The following KHDRBS2 variants were observed in gnomAD, a reference collection of about 807,000 sequenced individuals.
KHDRBS2 encodes the protein KH RNA binding domain containing, signal transduction associated 2, also known as KH domain-containing, RNA-binding, signal transduction-associated protein 2.
A neutral mutation model predicts 44.3 loss-of-function variants in KHDRBS2; 26 were observed. The ratio of observed to expected loss-of-function variants is 0.59; its 90% CI spans 0.43 to 0.81. KHDRBS2 has a LOEUF of 0.81. KHDRBS2 is among the 40% of genes least tolerant of loss of function. The pLI is 0.00. For synonymous variants in KHDRBS2, 194 were observed against 151.1 expected (o/e 1.28, Z -2.08); for missense variants, 476 against 433.1 (o/e 1.10, Z -0.88).
the KHDRBS2 span, among the ~76,000 whole-genome samples, chr6:61,567,470 CAA>C: frequency 2.0e-5 from 3 of 151,922 alleles, no homozygotes; most frequent in Admixed American, 1.3e-4. Context: ...CCTGTCTCTA[CAA>C]AAAAAGTAAA....
chr6:61,749,007 TTC>T (rs1405730526), intron 6 of KHDRBS2, among the ~76,000 whole-genome samples: 2 of 135,146 alleles, frequency 1.5e-5, no homozygotes, highest in African/African-American at 2.8e-5. Context: ...CTTTCTTTCT[TTC>T]TTTTTTTTTT....
At chr6:62,124,630 C>G (rs1465267378) in intron 2 of KHDRBS2, among the ~76,000 whole-genome samples, 2 of 148,764 alleles carry the variant, frequency 1.3e-5, no homozygotes, top group East Asian at 4.0e-4. Flanking sequence ...CCACCTTTAT[C>G]CAATCATCTG....
chr6:61,645,628 A>G, the KHDRBS2 span, among the ~76,000 whole-genome samples: 1 of 152,084 alleles, frequency 6.6e-6, no homozygotes, highest in Non-Finnish European at 1.5e-5. Context: ...CTTGAATGTT[A>G]TCCCCAAAAG....
intron 4 of KHDRBS2, among the ~76,000 whole-genome samples, chr6:61,913,813 T>G (rs1583478721): frequency 6.6e-6 from 1 of 151,630 alleles, no homozygotes; most frequent in East Asian, 2.0e-4. Context: ...TCTGGTTCAC[T>G]AGTCTTCCAG....
At chr6:62,256,419 G>T (rs763582641) in intron 1 of KHDRBS2, among the ~76,000 whole-genome samples, 1 of 151,922 alleles carries the variant, frequency 6.6e-6, no homozygotes, top group Non-Finnish European at 1.5e-5. Flanking sequence ...TGGGGGGTGA[G>T]TCTTTCCCTT....
At chr6:61,756,518 C>T (rs1192740204) in intron 6 of KHDRBS2, among the ~76,000 whole-genome samples, 1 of 152,148 alleles carries the variant, frequency 6.6e-6, no homozygotes, top group Non-Finnish European at 1.5e-5. Context: ...CCTTGGCCTC[C>T]CAAAGTGCTG....
intron 6 of KHDRBS2, among the ~76,000 whole-genome samples, chr6:61,773,209 T>A (rs977874111): frequency 2.0e-5 from 3 of 152,138 alleles, no homozygotes; most frequent in African/African-American, 7.2e-5. Context: ...CCCTGAGGAA[T>A]CGCCACACTG....
chr6:61,705,124 T>C (rs1769309777), intron 7 of KHDRBS2, among the ~76,000 whole-genome samples: 2 of 151,856 alleles, frequency 1.3e-5, no homozygotes, highest in Non-Finnish European at 2.9e-5. Context: ...CTCAAATGCA[T>C]AGATTATTAA....
At chr6:62,203,914 TG>T (rs1827492397) in intron 1 of KHDRBS2, among the ~76,000 whole-genome samples, 1 of 152,136 alleles carries the variant, frequency 6.6e-6, no homozygotes, top group South Asian at 2.1e-4. Context: ...AAGAATGGCT[TG>T]GTGCCTTCCC....
chr6:62,224,483 A>T lies in KHDRBS2; in HGVS notation c.92-47171T>A, dbSNP rs191835629. Among the ~76,000 whole-genome samples the T allele has an allele frequency of 2.2e-3, 337 of 152,328 alleles. 1 individual carries two copies. Among genetic ancestry groups the T allele is most frequent in the African/African-American group, 7.8e-3 (326 of 41,562 alleles). On this transcript the variant is annotated intron_variant, in intron 1 of 8. Coordinates refer to ENST00000281156, the MANE Select transcript of KHDRBS2 (RefSeq NM_152688.4). ...CACAACTCTTTCATCTGGTATTAAG[A>T]TGAACAAATGGCTAAACTTTCCTAA...
rs1365279512 is a variant in KHDRBS2, at chr6:61,880,562, T to C, written c.810+14073A>G. On this transcript the variant is annotated intron_variant, in intron 6 of 8. Coordinates refer to ENST00000281156, the MANE Select transcript of KHDRBS2 (RefSeq NM_152688.4). ...GTGTGTAATTCTGTTCTGTACCAGA[T>C]ATTTTGCTTAAAACATTTTAATTTA... 5.3e-5 allele frequency among the ~76,000 whole-genome samples: 8 copies of C among 151,944 alleles called. No individual in the cohort carries two copies. The East Asian group carries it at 1.3e-3, about 26-fold the overall frequency.
chr6:61,926,714 T>G (rs1809039643), intron 4 of KHDRBS2, among the ~76,000 whole-genome samples: 1 of 152,116 alleles, frequency 6.6e-6, no homozygotes, highest in East Asian at 1.9e-4. Flanking sequence ...GGGTTAGGTA[T>G]TGAGTCTGTA....
At chr6:62,021,112 AG>A (rs1402080623) in intron 3 of KHDRBS2, among the ~76,000 whole-genome samples, 1 of 152,026 alleles carries the variant, frequency 6.6e-6, no homozygotes, top group Non-Finnish European at 1.5e-5. Flanking sequence ...CATTATCCTT[AG>A]CAAAACGACA....
At chr6:61,805,136 C>T (rs1786944749) in intron 6 of KHDRBS2, among the ~76,000 whole-genome samples, 1 of 152,198 alleles carries the variant, frequency 6.6e-6, no homozygotes, top group African/African-American at 2.4e-5. Context: ...ACCCAGGTCA[C>T]ATCCTGAATG....
At chr6:62,147,885 G>A (rs1260241054) in intron 2 of KHDRBS2, among the ~76,000 whole-genome samples, 3 of 151,850 alleles carry the variant, frequency 2.0e-5, no homozygotes, top group Non-Finnish European at 4.4e-5. Context: ...GCACTAAAAC[G>A]TTTGCATATG....
At chr6:61,843,176 G>A (rs1793850970) in intron 6 of KHDRBS2, among the ~76,000 whole-genome samples, 1 of 151,928 alleles carries the variant, frequency 6.6e-6, no homozygotes, top group South Asian at 2.1e-4. Flanking sequence ...GGGGGCGGTG[G>A]AGGAGGAATG....
intron 3 of KHDRBS2, among the ~76,000 whole-genome samples, chr6:62,035,900 TTAA>T (rs1785192143): frequency 6.6e-6 from 1 of 152,068 alleles, no homozygotes. Flanking sequence ...GGTTTACAAC[TTAA>T]TAATTTATAG....
intron 3 of KHDRBS2, among the ~76,000 whole-genome samples, chr6:62,036,782 A>G (rs1426700350): frequency 6.6e-6 from 1 of 152,010 alleles, no homozygotes; most frequent in Non-Finnish European, 1.5e-5. Context: ...AGTAATCTCA[A>G]GCAAATTACT....
At chr6:61,683,756 A>G (rs981718047) in intron 8 of KHDRBS2, among the ~76,000 whole-genome samples, 1 of 151,880 alleles carries the variant, frequency 6.6e-6, no homozygotes, top group African/African-American at 2.4e-5. Context: ...CATGGCACAA[A>G]TATGTGCTCT....
Sources: gnomAD v4.1 joint callset for allele counts (sites outside exome capture counted in the v4.1 genomes callset) on GRCh38, gnomAD v4.1.1 for gene constraint, MANE v1.5 for transcripts, NCBI Gene and HGNC (gene_info 2026-07-23, HGNC 2026-07-21) for gene names.